The following CALN1 variants were observed in gnomAD, a reference collection of about 807,000 sequenced individuals.
CALN1 encodes the protein calcium-binding protein 8.
Under a neutral mutation model 30.6 loss-of-function variants are expected in CALN1, and 17 were observed. The ratio of observed to expected loss-of-function variants is 0.56; its 90% CI spans 0.38 to 0.83. The LOEUF is 0.83. Among genes scored for constraint, CALN1 ranks in the 40% least tolerant of loss-of-function variants. The probability of loss-of-function intolerance (pLI) is 0.00; values close to 1 mark genes in which losing one functional copy is unlikely to be tolerated. For synonymous variants in CALN1, 156 were observed against 131.4 expected (o/e 1.19, Z -1.28); for missense variants, 291 against 354.9 (o/e 0.82, Z 1.45).
chr7:72,180,643 T>G (rs1405682099), intron 3 of CALN1, among the ~76,000 whole-genome samples: 1 of 144,438 alleles, frequency 6.9e-6, no homozygotes, highest in African/African-American at 2.5e-5. Flanking sequence ...GATCTCACAG[T>G]GTGGGTCATG....
Position 71,793,338 on chromosome 7 carries a change from T to C in CALN1, c.659-5436A>G, listed in dbSNP as rs115708654. Among the ~76,000 whole-genome samples, 1,298 of 152,150 alleles carry C rather than the reference T, an allele frequency of 8.5e-3. 19 individuals are homozygous for C. Among genetic ancestry groups the C allele is most frequent in the African/African-American group, 0.029 (1,190 of 41,526 alleles). The stretch of plus-strand genomic sequence containing the variant: ...AAACAAAAAAAAAGCACAGAGGAGC[T>C]TCTAGATCATTAGTGGATTGTAGCA... On this transcript the variant is annotated intron_variant, in intron 6 of 6. Transcript: ENST00000395275.
At chr7:72,398,924 G>A (rs191947401) in intron 2 of CALN1, among the ~76,000 whole-genome samples, 196 of 152,308 alleles carry the variant, frequency 1.3e-3, no homozygotes, top group Non-Finnish European at 2.3e-3. Flanking sequence ...TGAATTGAGG[G>A]AGGTACCCAC....
chr7:72,402,826 G>T lies in CALN1; in HGVS notation c.119+425C>A, dbSNP rs150779803. Among the ~76,000 whole-genome samples, 1,108 of 152,284 alleles carry T rather than the reference G, an allele frequency of 7.3e-3. 7 individuals are homozygous for T. Among genetic ancestry groups the T allele is most frequent in the Non-Finnish European group, 0.012 (789 of 68,018 alleles). ...GAATCCCAGGTTTGCCTTTGGCTGT[G>T]ATCTCAGTCAAGCTGCCTGTTTGTG... On this transcript the variant is annotated intron_variant, in intron 2 of 6. Transcript: ENST00000395275.
At chr7:72,100,117 G>A (rs955523120) in intron 4 of CALN1, among the ~76,000 whole-genome samples, 1 of 151,766 alleles carries the variant, frequency 6.6e-6, no homozygotes, top group African/African-American at 2.4e-5. Flanking sequence ...CATGAACTTG[G>A]GGCCGAAGAC....
chr7:72,215,070 C>A (rs1406440519), intron 3 of CALN1, among the ~76,000 whole-genome samples: 1 of 152,060 alleles, frequency 6.6e-6, no homozygotes, highest in Non-Finnish European at 1.5e-5. Flanking sequence ...GCACATGAAT[C>A]ATCCCAAAAC....
intron 5 of CALN1, among the ~76,000 whole-genome samples, chr7:71,980,784 C>T (rs190793660): frequency 9.6e-4 from 146 of 151,832 alleles, no homozygotes; most frequent in African/African-American, 3.4e-3. Context: ...CTGCTGACTT[C>T]GGGTACAGAA....
chr7:71,995,010 A>G (rs1043111106), intron 5 of CALN1, among the ~76,000 whole-genome samples: 8 of 151,970 alleles, frequency 5.3e-5, no homozygotes, highest in East Asian at 1.9e-4. Flanking sequence ...CCGCCACCAC[A>G]CCTGGCTAAT....
At chr7:72,358,822 A>G in intron 2 of CALN1, among the ~76,000 whole-genome samples, 1 of 151,828 alleles carries the variant, frequency 6.6e-6, no homozygotes, top group East Asian at 1.9e-4. Context: ...GGTGGCGGGC[A>G]CCTATAATGC....
chr7:71,986,198 C>A (rs1341843638), intron 5 of CALN1, among the ~76,000 whole-genome samples: 1 of 152,058 alleles, frequency 6.6e-6, no homozygotes, highest in African/African-American at 2.4e-5. Context: ...CAGGCATGTG[C>A]CACCACACCC....
intron 3 of CALN1, among the ~76,000 whole-genome samples, chr7:72,146,633 G>A (rs1482372333): frequency 1.3e-5 from 2 of 152,042 alleles, no homozygotes; most frequent in Non-Finnish European, 2.9e-5. Context: ...AAGTTCATAT[G>A]GAACCAAAAA....
At chr7:72,271,575 A>AAAATATATATATATATATATATATATAT in intron 3 of CALN1, among the ~76,000 whole-genome samples, 14 of 52,122 alleles carry the variant, frequency 2.7e-4, no homozygotes, top group South Asian at 1.2e-3. Context: ...AAAAAAAAAA[A>AAAATATATATATATATATATATATATAT]ATATATATAT....
chr7:72,282,637 A>G (rs942775199), intron 2 of CALN1, among the ~76,000 whole-genome samples: 1 of 152,244 alleles, frequency 6.6e-6, no homozygotes, highest in Non-Finnish European at 1.5e-5. Context: ...CACAAAATCT[A>G]TAGGTGTCTC....
chr7:71,830,090 C>G, intron 5 of CALN1, among the ~76,000 whole-genome samples: 1 of 148,970 alleles, frequency 6.7e-6, no homozygotes. Flanking sequence ...GTTGCCCAGG[C>G]TGGGGTGCAA....
chr7:72,117,932 T>A (rs1022344200), intron 3 of CALN1, among the ~76,000 whole-genome samples: 12 of 140,300 alleles, frequency 8.6e-5, no homozygotes, highest in African/African-American at 3.3e-4. Context: ...TACTCCAGCC[T>A]GGGCGACAGT....
chr7:72,499,559 C>G, the CALN1 span, among the ~76,000 whole-genome samples: 1 of 151,394 alleles, frequency 6.6e-6, no homozygotes, highest in African/African-American at 2.4e-5. Context: ...TATTATTTTG[C>G]AAAAAAATCA....
chr7:72,219,222 A>AT (rs150840768), intron 3 of CALN1, among the ~76,000 whole-genome samples: 2,957 of 152,084 alleles, frequency 0.019, 94 homozygotes, highest in African/African-American at 0.066. Flanking sequence ...AATGCCCGTC[A>AT]TTTTTTCTTC....
upstream of CALN1, among the ~76,000 whole-genome samples, chr7:72,449,003 G>A (rs1808605289): frequency 6.6e-6 from 1 of 152,142 alleles, no homozygotes; most frequent in African/African-American, 2.4e-5. Context: ...ACGTGCCTTG[G>A]AGTGAGTGTC....
intron 2 of CALN1, among the ~76,000 whole-genome samples, chr7:72,357,836 A>T (rs1803326968): frequency 2.7e-5 from 4 of 146,444 alleles, no homozygotes; most frequent in African/African-American, 1.0e-4. Context: ...ATTTTTATAT[A>T]TTTATATATA....
chr7:72,354,885 ATTTCT>A, intron 2 of CALN1, among the ~76,000 whole-genome samples: 1 of 150,148 alleles, frequency 6.7e-6, no homozygotes, highest in East Asian at 2.0e-4. Flanking sequence ...GTAAGCAAAA[ATTTCT>A]TTTTTTTTTT....
Sources: allele counts gnomAD v4.1 joint callset (sites outside exome capture counted in the v4.1 genomes callset), GRCh38; gene constraint gnomAD v4.1.1; transcripts MANE v1.5; gene names NCBI Gene and HGNC (gene_info 2026-07-23, HGNC 2026-07-21).